LAMA3: variants seen among roughly 807,000 people sequenced by gnomAD.
LAMA3 encodes laminin subunit alpha-3.
In LAMA3, 281 loss-of-function variants were observed where a neutral mutation model predicts 402.0. The observed-to-expected ratio is 0.70, with a 90% confidence interval of 0.63 to 0.77. The LOEUF is 0.77. Ranked by LOEUF, LAMA3 falls within the 30% of genes least tolerant of loss-of-function variation. The pLI, the probability that LAMA3 is intolerant of heterozygous loss-of-function variation, is 0.00. For missense variants in LAMA3, 3,840 were observed against 4,215.5 expected, an observed-to-expected ratio of 0.91 and a Z score of 2.47; for synonymous variants, 1,431 against 1,558.4, an observed-to-expected ratio of 0.92 and a Z score of 1.93.
chr18:23,870,871 T>C (rs1043082089), intron 37 of LAMA3, among the ~76,000 whole-genome samples: 2 of 152,212 alleles, frequency 1.3e-5, no homozygotes, highest in African/African-American at 2.4e-5. Context: ...GGAGTTTCCC[T>C]TTTGCAAGCT....
chr18:23,732,544 G>A (rs11082724), intron 2 of LAMA3, among the ~76,000 whole-genome samples: 71,968 of 151,880 alleles, frequency 0.47, 19,251 homozygotes, highest in Non-Finnish European at 0.61. Context: ...AATCCCTCGC[G>A]GAACCACCCA....
chr18:23,951,895 C>T, intron 73 of LAMA3, 118 bp downstream of exon 73: 1 of 780,488 alleles, frequency 1.3e-6, no homozygotes, highest in Non-Finnish European at 2.2e-6. Context: ...CAGGGCCAGC[C>T]CCCGAGGCTA....
intron 7 of LAMA3, 63 bp downstream of exon 7, chr18:23,758,574 G>A: frequency 3.2e-6 from 4 of 1,246,554 alleles, no homozygotes; most frequent in Non-Finnish European, 4.7e-6. Context: ...TGGGGGCTGA[G>A]GCTATTTTCC....
Position 23,904,647 on chromosome 18 carries a change from G to C in LAMA3, c.6568G>C (p.Glu2190Gln). The C allele has an allele frequency of 6.2e-7, 1 of 1,613,984 alleles. No individual in the cohort carries two copies. Among genetic ancestry groups the C allele is most frequent in the South Asian group, 1.1e-5 (1 of 91,052 alleles). ...CATCCTCAATGCCATCAAAGCGGCC[G>C]AGGACGCAGCCAACAGGGCTGCCAG... ...ENILNAIKAA[E>Q]DAANRAASAS... Residue 2190 changes from glutamate to glutamine, a missense_variant, in exon 51 of 75, where the codon GAG (glutamate) becomes CAG (glutamine). This residue lies in a region of LAMA3 where 891 missense variants were observed against 857.5 expected (regional missense o/e 1.04). Coordinates refer to ENST00000313654, the MANE Select transcript of LAMA3 (RefSeq NM_198129.4).
At chr18:23,891,866 G>C (rs1016604783) in intron 42 of LAMA3, among the ~76,000 whole-genome samples, 4 of 152,158 alleles carry the variant, frequency 2.6e-5, no homozygotes, top group Non-Finnish European at 4.4e-5. Flanking sequence ...AAGTCCTCAC[G>C]TGAGAGTTAG....
At chr18:23,718,437 A>T (rs762688508) in intron 2 of LAMA3, among the ~76,000 whole-genome samples, 28 of 152,230 alleles carry the variant, frequency 1.8e-4, no homozygotes, top group Admixed American at 1.4e-3. Context: ...AAGAATTTTG[A>T]GGCTTGTATG....
intron 35 of LAMA3, among the ~76,000 whole-genome samples, chr18:23,862,726 A>G (rs1476018429): frequency 6.6e-6 from 1 of 152,186 alleles, no homozygotes; most frequent in Non-Finnish European, 1.5e-5. Flanking sequence ...TAAAGCAGTA[A>G]TGATTATCTT....
At chr18:23,938,229 G>A (rs747794539) in intron 67 of LAMA3, among the ~76,000 whole-genome samples, 4 of 152,126 alleles carry the variant, frequency 2.6e-5, no homozygotes, top group Admixed American at 6.5e-5. Context: ...CCAGCAGGGA[G>A]GGGTCACGTG....
At chr18:23,793,518 G>A (rs1174493687) in intron 12 of LAMA3, among the ~76,000 whole-genome samples, 1 of 149,030 alleles carries the variant, frequency 6.7e-6, no homozygotes, top group Non-Finnish European at 1.5e-5. Context: ...GGAGAGAGGT[G>A]CTCAGCAGAC....
intron 20 of LAMA3, 73 bp from the exon 21 acceptor site, chr18:23,824,336 TAAACTGAATGTTCA>T (rs1458097329): frequency 1.4e-6 from 2 of 1,410,248 alleles, no homozygotes; most frequent in African/African-American, 2.8e-5. Context: ...TTTTGAGATG[TAAACTGAATGTTCA>T]AAACTGAATA....
rs763931967 is a variant in LAMA3 at position 23,847,648 on chromosome 18, C to T, written c.4116C>T (p.Asp1372=). The change falls in exon 32 of 75, where the codon GAC becomes GAT. Residue 1372 remains aspartate (D), a synonymous_variant. Transcript: ENST00000313654. ...GTIEAAMPEC[D]RDSGQCRCKP... is the part of the protein sequence containing the mutation. The stretch of plus-strand genomic sequence containing the variant: ...TCGAGGCTGCCATGCCGGAGTGTGA[C>T]CGGGACAGCGGGCAGTGCAGGTGAG... 1 of 1,613,866 alleles carries T rather than the reference C, an allele frequency of 6.2e-7. No individual in the cohort carries two copies. The highest frequency in any genetic ancestry group is 2.2e-5 in the East Asian group (1 of 44,870).
At chr18:23,736,501 G>T (rs2061477426) in intron 2 of LAMA3, among the ~76,000 whole-genome samples, 1 of 151,674 alleles carries the variant, frequency 6.6e-6, no homozygotes, top group Non-Finnish European at 1.5e-5. Flanking sequence ...TATAAATGAG[G>T]TGTGTACCGA....
chr18:23,828,577 T>C (rs1335254427), intron 23 of LAMA3, among the ~76,000 whole-genome samples: 3 of 152,070 alleles, frequency 2.0e-5, no homozygotes, highest in African/African-American at 7.2e-5. Context: ...TACAGGTATA[T>C]GTATGTGTGT....
chr18:23,799,957 C>T (rs932700322), intron 12 of LAMA3, among the ~76,000 whole-genome samples: 1 of 152,160 alleles, frequency 6.6e-6, no homozygotes, highest in Admixed American at 6.5e-5. Context: ...GGATGAGGCC[C>T]ACCCACATGA....
intron 38 of LAMA3, chr18:23,872,895 T>A: frequency 2.4e-6 from 2 of 816,786 alleles, no homozygotes; most frequent in Non-Finnish European, 4.0e-6. Context: ...TGGCACAGGC[T>A]GACTCATGTG....
chr18:23,741,897 G>T (rs991744420), intron 2 of LAMA3, among the ~76,000 whole-genome samples: 1 of 152,104 alleles, frequency 6.6e-6, no homozygotes, highest in African/African-American at 2.4e-5. Context: ...TGAGGCGGGC[G>T]GATCACTTGA....
chr18:23,705,592 A>G (rs991277809), intron 1 of LAMA3, among the ~76,000 whole-genome samples: 1 of 152,038 alleles, frequency 6.6e-6, no homozygotes, highest in Non-Finnish European at 1.5e-5. Context: ...TGATGCAATC[A>G]TGGCTCACTG....
chr18:23,900,814 G>A (rs758550390), intron 47 of LAMA3, among the ~76,000 whole-genome samples: 5 of 152,160 alleles, frequency 3.3e-5, no homozygotes, highest in Non-Finnish European at 7.4e-5. Context: ...ACCCCCTGCA[G>A]CCAGCTCAAG....
chr18:23,928,085 A>G (rs2082058874), intron 62 of LAMA3, 38 bp from the exon 63 acceptor site: 16 of 1,402,350 alleles, frequency 1.1e-5, no homozygotes, highest in Non-Finnish European at 1.6e-5. Context: ...TGAGCCTGAC[A>G]TGATCCATCT....
Sources: allele counts gnomAD v4.1 joint callset (sites outside exome capture counted in the v4.1 genomes callset), GRCh38; gene constraint gnomAD v4.1.1; regional missense constraint gnomAD v4.1.1; transcripts MANE v1.5; gene names NCBI Gene and HGNC (gene_info 2026-07-23, HGNC 2026-07-21).